The following TMEM176A variants were observed in gnomAD, a reference collection of about 807,000 sequenced individuals.
The protein encoded by TMEM176A is hepatocellular carcinoma-associated antigen 112.
Under a neutral mutation model 27.9 loss-of-function variants are expected in TMEM176A, and 20 were observed. The ratio of observed to expected loss-of-function variants is 0.72; its 90% CI spans 0.50 to 1.04. The LOEUF (loss-of-function observed/expected upper bound fraction) is 1.04, where lower values mean the gene tolerates loss of function less well. TMEM176A is among the 50% of genes least tolerant of loss of function. The pLI is 0.00. For missense variants in TMEM176A, 252 were observed against 289.1 expected (o/e 0.87, Z 0.93); for synonymous variants, 125 against 118.0 (o/e 1.06, Z -0.38).
At chr7:150,802,105 T>TCTTCTCTTCTCTTCTC (rs144087116) in intron 2 of TMEM176A, 110 bp from the exon 3 acceptor site, 43 of 746,182 alleles carry the variant, frequency 5.8e-5, no homozygotes, top group African/African-American at 4.9e-4. Flanking sequence ...TCTTCTCTTC[T>TCTTCTCTTCTCTTCTC]TTCTTTCTCT....
At chr7:150,802,094 C>CTCTTT (rs2116734725) in intron 2 of TMEM176A, 121 bp from the exon 3 acceptor site, 1 of 717,300 alleles carries the variant, frequency 1.4e-6, no homozygotes, top group Admixed American at 2.4e-5. Context: ...CTCTTCTCTT[C>CTCTTT]TCTTCTCTTC....
At chr7:150,802,433 T>A in intron 3 of TMEM176A, 108 bp downstream of exon 3, 1 of 1,014,904 alleles carries the variant, frequency 9.9e-7, no homozygotes, top group Non-Finnish European at 1.5e-6. Context: ...GTCGGAGAGA[T>A]CTGATTATCT....
In TMEM176A at chr7:150,801,614, C is replaced by T; in HGVS notation, c.64C>T (p.His22Tyr). ...EAPQHTHIDV[H>Y]IHQESALAKL... ...CCCACAGCACACCCACATCGATGTG[C>T]ACATCCACCAGGAGTCTGCCCTGGC... is the stretch of plus-strand genomic sequence containing the variant. The change falls in exon 2 of 7, where the codon CAC (histidine) becomes TAC (tyrosine). Residue 22 changes from histidine (H) to tyrosine (Y), a missense_variant. By Grantham distance (83) the His-to-Tyr change is moderately conservative. Coordinates refer to ENST00000004103, the MANE Select transcript of TMEM176A (RefSeq NM_018487.3). 3 of 1,613,646 alleles carry T rather than the reference C, an allele frequency of 1.9e-6. No individual in the cohort carries two copies. Among genetic ancestry groups the T allele is most frequent in the Middle Eastern group, 1.6e-4 (1 of 6,062 alleles).
intron 6 of TMEM176A, 157 bp downstream of exon 6, chr7:150,804,629 C>T: frequency 1.2e-6 from 1 of 864,828 alleles, no homozygotes; most frequent in South Asian, 1.6e-5. Flanking sequence ...TGGCCCAGCC[C>T]AGAAAGCCCC....
rs1798862931 is a variant in TMEM176A at position 150,803,613 on chromosome 7, TC to T, written c.343-3del. ...CAAAGATTTCTCTCTGCCTCCTCCC[TC>T]CCCAGGCCCTGCTGAGGACTCTGCT... On this transcript the variant is annotated splice_region_variant and splice_polypyrimidine_tract_variant and intron_variant, in intron 4 of 6. Coordinates refer to ENST00000004103, the MANE Select transcript of TMEM176A (RefSeq NM_018487.3). 6.2e-6 allele frequency: 10 copies of T among 1,613,338 alleles called. No individual in the cohort carries two copies. The highest frequency in any genetic ancestry group is 7.6e-6 in the Non-Finnish European group (9 of 1,179,812).
intron 5 of TMEM176A, 54 bp from the exon 6 acceptor site, chr7:150,804,308 A>G: frequency 2.1e-6 from 3 of 1,415,136 alleles, no homozygotes; most frequent in Non-Finnish European, 2.0e-6. Context: ...ATGGGGACAG[A>G]GCAGGAAGGC....
intron 3 of TMEM176A, 108 bp from the exon 4 acceptor site, chr7:150,803,292 C>A: frequency 6.9e-7 from 1 of 1,443,088 alleles, no homozygotes; most frequent in Non-Finnish European, 9.1e-7. Flanking sequence ...TAGCATGAAA[C>A]CTCCCGCCCA....
chr7:150,802,073 CCTT>C (rs148829186), intron 2 of TMEM176A, 139 bp from the exon 3 acceptor site: 1 of 510,326 alleles, frequency 2.0e-6, no homozygotes. Flanking sequence ...TCTTTCTTCT[CCTT>C]TTCTCTTCTC....
intron 5 of TMEM176A, among the ~76,000 whole-genome samples, chr7:150,804,122 T>C (rs548193008): frequency 6.6e-6 from 1 of 152,338 alleles, no homozygotes; most frequent in South Asian, 2.1e-4. Flanking sequence ...TCTGAAGTCT[T>C]GGAGGTTATC....
intron 1 of TMEM176A, 154 bp from the exon 2 acceptor site, chr7:150,801,382 C>G: frequency 1.5e-6 from 1 of 684,682 alleles, no homozygotes; most frequent in Non-Finnish European, 2.4e-6. Flanking sequence ...TACACACATT[C>G]CCCTCGTGAG....
In TMEM176A at chr7:150,801,617, A is replaced by G. The variant is rs200759421; in HGVS notation, c.67A>G (p.Ile23Val). ...ACAGCACACCCACATCGATGTGCAC[A>G]TCCACCAGGAGTCTGCCCTGGCCAA... ...APQHTHIDVH[I>V]HQESALAKLL... Residue 23 changes from isoleucine to valine, a missense_variant, in exon 2 of 7, where the codon ATC becomes GTC. By Grantham distance (29) the Ile-to-Val change is conservative (BLOSUM62 3). Transcript: ENST00000004103. The G allele has an allele frequency of 6.2e-7, 1 of 1,613,544 alleles. No homozygotes were observed. The highest frequency in any genetic ancestry group is 2.2e-5 in the East Asian group (1 of 44,830).
chr7:150,801,780 G>A lies in TMEM176A; in HGVS notation c.174+56G>A, dbSNP rs992275852. The A allele has an allele frequency of 4.9e-6, 7 of 1,417,346 alleles. No individual in the cohort carries two copies. In the Admixed American group the frequency reaches 8.5e-5, roughly 17 times the overall value. The allele number at this position is 1,417,346 out of a possible 1,614,324, so 87.8% of individuals were successfully genotyped here. On this transcript the variant is annotated intron_variant, in intron 2 of 6. Transcript: ENST00000004103. Reference sequence around the variant, plus strand: ...CGGGAGGAACTCCCCACCTCCAGCCGCAGCAGCACTCTCTGCCAGCCTCCC... The same window carrying A: ...CGGGAGGAACTCCCCACCTCCAGCCACAGCAGCACTCTCTGCCAGCCTCCC...
intron 1 of TMEM176A, chr7:150,801,086 G>A (rs1798765345): frequency 2.8e-6 from 2 of 703,290 alleles, no homozygotes. Context: ...CGGCGGTGGC[G>A]GGGATGGGGG....
At chr7:150,800,998 C>T (rs951892146) in intron 1 of TMEM176A, 170 bp downstream of exon 1, 65 of 985,656 alleles carry the variant, frequency 6.6e-5, no homozygotes, top group Non-Finnish European at 7.8e-5. Context: ...CCTACCTCCG[C>T]ACCGCAGCGC....
At chr7:150,801,246 T>C (rs1469748417) in intron 1 of TMEM176A, 11 of 275,160 alleles carry the variant, frequency 4.0e-5, no homozygotes, top group Non-Finnish European at 7.4e-5. Flanking sequence ...TGTGGGGCGC[T>C]GCTTGACCCA....
intron 1 of TMEM176A, chr7:150,801,047 C>T: frequency 3.1e-6 from 3 of 956,582 alleles, no homozygotes; most frequent in Non-Finnish European, 3.7e-6. Context: ...ACCCGTCGGG[C>T]GTGAGCAGCA....
In TMEM176A at chr7:150,801,638, G is replaced by T. The variant is rs1251708002; in HGVS notation, c.88G>T (p.Ala30Ser). Reference protein sequence around the residue: ...DVHIHQESALAKLLLTCCSAL... With the variant: ...DVHIHQESALSKLLLTCCSAL... Reference sequence around the variant, plus strand: ...GCACATCCACCAGGAGTCTGCCCTGGCCAAGCTCCTGCTCACCTGCTGCTC... The same window carrying T: ...GCACATCCACCAGGAGTCTGCCCTGTCCAAGCTCCTGCTCACCTGCTGCTC... Residue 30 changes from alanine (A) to serine (S), a missense_variant, in exon 2 of 7, where the codon GCC becomes TCC. Ala to Ser is a moderately conservative substitution (Grantham distance 99, BLOSUM62 1). Coordinates refer to ENST00000004103, the MANE Select transcript of TMEM176A (RefSeq NM_018487.3). 1.2e-6 allele frequency: 2 copies of T among 1,613,274 alleles called. No individual in the cohort carries two copies. The highest frequency in any genetic ancestry group is 1.7e-5 in the Admixed American group (1 of 59,998).
chr7:150,801,618 T>A lies in TMEM176A; in HGVS notation c.68T>A (p.Ile23Asn), dbSNP rs753480468. The change falls in exon 2 of 7, where the codon ATC becomes AAC. Residue 23 changes from isoleucine to asparagine, a missense_variant. Physicochemically the swap from Ile to Asn is moderately radical, Grantham distance 149 (BLOSUM62 -3). Transcript: ENST00000004103. ...CAGCACACCCACATCGATGTGCACATCCACCAGGAGTCTGCCCTGGCCAAG... is the reference window on the plus strand; with the variant it reads ...CAGCACACCCACATCGATGTGCACAACCACCAGGAGTCTGCCCTGGCCAAG... ...APQHTHIDVH[I>N]HQESALAKLL... 3.7e-6 allele frequency: 6 copies of A among 1,613,474 alleles called. No homozygotes were observed. The East Asian group carries it at 1.1e-4, about 30-fold the overall frequency.
chr7:150,802,089 C>CTCTTCTCTTT, intron 2 of TMEM176A, 126 bp from the exon 3 acceptor site: 2 of 683,132 alleles, frequency 2.9e-6, no homozygotes, highest in Non-Finnish European at 5.1e-6. Context: ...CTCTTCTCTT[C>CTCTTCTCTTT]TCTTCTCTTC....
Sources: allele counts gnomAD v4.1 joint callset (sites outside exome capture counted in the v4.1 genomes callset), GRCh38; gene constraint gnomAD v4.1.1; transcripts MANE v1.5; gene names NCBI Gene and HGNC (gene_info 2026-07-23, HGNC 2026-07-21).